The following DLC1 variants were observed in gnomAD, a reference collection of about 807,000 sequenced individuals.
The protein encoded by DLC1 is rho GTPase-activating protein 7.
In DLC1, 54 loss-of-function variants were observed where a neutral mutation model predicts 140.3. The observed-to-expected ratio is 0.38, with a 90% confidence interval of 0.31 to 0.48. The LOEUF is 0.48. Ranked by LOEUF, DLC1 falls within the 20% of genes least tolerant of loss-of-function variation. The probability of loss-of-function intolerance (pLI) is 0.96; values close to 1 mark genes in which losing one functional copy is unlikely to be tolerated. For synonymous variants in DLC1, 986 were observed against 728.1 expected, an observed-to-expected ratio of 1.35 and a Z score of -5.70; for missense variants, 2,536 against 1,907.0, an observed-to-expected ratio of 1.33 and a Z score of -6.14.
chr8:13,252,937 T>C (rs1830075568), intron 5 of DLC1, among the ~76,000 whole-genome samples: 1 of 152,210 alleles, frequency 6.6e-6, no homozygotes, highest in Non-Finnish European at 1.5e-5. Context: ...ACAAGAAAGC[T>C]AATCCTACCC....
At chr8:13,478,473 T>A (rs1800539835) in intron 2 of DLC1, among the ~76,000 whole-genome samples, 1 of 152,174 alleles carries the variant, frequency 6.6e-6, no homozygotes. Flanking sequence ...TTCTTCACCT[T>A]CTCTCCTGTT....
chr8:13,086,210 A>T, intron 17 of DLC1, 80 bp downstream of exon 17: 1 of 1,524,468 alleles, frequency 6.6e-7, no homozygotes, highest in Non-Finnish European at 8.8e-7. Context: ...TGTTTGTTTA[A>T]GGCATTCTTT....
chr8:13,443,343 TAAA>T (rs58765529), intron 2 of DLC1, among the ~76,000 whole-genome samples: 5,734 of 123,214 alleles, frequency 0.047, 298 homozygotes, highest in African/African-American at 0.13. Context: ...CCCTAAAACT[TAAA>T]AAAAAAAAAA....
At chr8:13,317,214 G>C (rs1025238669) in intron 4 of DLC1, among the ~76,000 whole-genome samples, 1 of 152,176 alleles carries the variant, frequency 6.6e-6, no homozygotes, top group Non-Finnish European at 1.5e-5. Context: ...AGGTTAAGTA[G>C]TAACATTAGC....
intron 5 of DLC1, among the ~76,000 whole-genome samples, chr8:13,209,395 C>A (rs1331277432): frequency 6.6e-6 from 1 of 152,062 alleles, no homozygotes; most frequent in African/African-American, 2.4e-5. Context: ...TGATGAGATA[C>A]GGACATAGGA....
intron 5 of DLC1, among the ~76,000 whole-genome samples, chr8:13,188,483 T>G (rs1826520173): frequency 6.7e-6 from 1 of 149,556 alleles, no homozygotes; most frequent in African/African-American, 2.4e-5. Context: ...AGCAGTTACT[T>G]TTGGGAGTTG....
chr8:13,201,749 G>A (rs952235750), intron 5 of DLC1, among the ~76,000 whole-genome samples: 6 of 151,584 alleles, frequency 4.0e-5, no homozygotes, highest in Non-Finnish European at 5.9e-5. Context: ...TCTCTAAAAC[G>A]CATCATGAAT....
intron 4 of DLC1, among the ~76,000 whole-genome samples, chr8:13,347,947 G>A (rs1371211663): frequency 6.6e-6 from 1 of 152,022 alleles, no homozygotes. Context: ...AAATTAGCCG[G>A]GCATGGTGGC....
intron 2 of DLC1, among the ~76,000 whole-genome samples, chr8:13,413,331 T>A (rs1328749758): frequency 1.4e-5 from 2 of 145,952 alleles, no homozygotes; most frequent in Non-Finnish European, 3.0e-5. Context: ...CCAAGATAAT[T>A]CTTCTTCTTC....
chr8:13,245,573 C>G (rs1319044118), intron 5 of DLC1, among the ~76,000 whole-genome samples: 1 of 152,190 alleles, frequency 6.6e-6, no homozygotes, highest in Non-Finnish European at 1.5e-5. Flanking sequence ...TGAGCTACCT[C>G]CACCTGAATC....
At chr8:13,575,388 G>A (rs770503928) in intron 1 of DLC1, among the ~76,000 whole-genome samples, 7 of 152,034 alleles carry the variant, frequency 4.6e-5, no homozygotes, top group African/African-American at 1.4e-4. Flanking sequence ...TCTGAAAATG[G>A]CTTGAAGGTG....
At chr8:13,294,550 G>T (rs1469793739) in intron 5 of DLC1, among the ~76,000 whole-genome samples, 2 of 152,158 alleles carry the variant, frequency 1.3e-5, no homozygotes, top group African/African-American at 4.8e-5. Flanking sequence ...ATTTCTGGAA[G>T]GGAAACAGGA....
chr8:13,517,358 C>G (rs557864201), upstream of DLC1, among the ~76,000 whole-genome samples: 1 of 152,244 alleles, frequency 6.6e-6, no homozygotes, highest in Admixed American at 6.5e-5. Context: ...TTCACAAATG[C>G]CTTTTAGATA....
intron 2 of DLC1, among the ~76,000 whole-genome samples, chr8:13,455,026 T>C (rs925647138): frequency 6.6e-6 from 1 of 152,172 alleles, no homozygotes; most frequent in Admixed American, 6.5e-5. Context: ...TGATACACGG[T>C]AGACTTGCAA....
At chr8:13,147,723 C>G (rs1466744229) in intron 5 of DLC1, among the ~76,000 whole-genome samples, 1 of 152,036 alleles carries the variant, frequency 6.6e-6, no homozygotes, top group Non-Finnish European at 1.5e-5. Flanking sequence ...GGCATGGTGG[C>G]TCACGCTTGT....
intron 5 of DLC1, among the ~76,000 whole-genome samples, chr8:13,196,803 A>G (rs755921378): frequency 6.6e-6 from 1 of 152,234 alleles, no homozygotes; most frequent in African/African-American, 2.4e-5. Flanking sequence ...GAAGTCAATT[A>G]TAATCATGGC....
chr8:13,397,125 A>C (rs1430763610), intron 3 of DLC1, among the ~76,000 whole-genome samples: 3 of 152,092 alleles, frequency 2.0e-5, no homozygotes, highest in Admixed American at 1.3e-4. Context: ...TATACCACTC[A>C]ACTCTGGCCC....
chr8:13,498,119 A>G lies in DLC1; in HGVS notation c.1023+930T>C, dbSNP rs541464302. Among the ~76,000 whole-genome samples the G allele has an allele frequency of 4.6e-5, 7 of 152,306 alleles. No homozygotes were observed. The East Asian group carries it at 7.7e-4, about 17-fold the overall frequency. ...TGAATGTATCAAGAGAGGGGCAAGG[A>G]TATATGTTTTAATCAGTGCATACCA... On this transcript the variant is annotated intron_variant, in intron 2 of 17. Transcript: ENST00000276297.
intron 5 of DLC1, among the ~76,000 whole-genome samples, chr8:13,220,735 T>C (rs1828504342): frequency 6.6e-6 from 1 of 152,180 alleles, no homozygotes; most frequent in African/African-American, 2.4e-5. Context: ...AGTAAATCCA[T>C]ACATCATTAC....
Sources: gnomAD v4.1 joint callset for allele counts (sites outside exome capture counted in the v4.1 genomes callset) on GRCh38, gnomAD v4.1.1 for gene constraint, MANE v1.5 for transcripts, NCBI Gene and HGNC (gene_info 2026-07-23, HGNC 2026-07-21) for gene names.